Variants in DMD observed in about 807,000 individuals in gnomAD.
DMD encodes mutant dystrophin.
In DMD, 63 loss-of-function variants were observed where a neutral mutation model predicts 330.1. The observed-to-expected ratio is 0.19, with a 90% CI of 0.16 to 0.24. The LOEUF (loss-of-function observed/expected upper bound fraction) is 0.24. Among genes scored for constraint, DMD ranks in the 10% least tolerant of loss-of-function variants. The pLI is 1.00. For synonymous variants in DMD, 1,223 were observed against 959.8 expected, an observed-to-expected ratio of 1.27 and a Z score of -5.07; for missense variants, 3,344 against 2,684.1, an observed-to-expected ratio of 1.25 and a Z score of -5.43.
chrX:31,872,188 G>A (rs760451249), intron 48 of DMD, among the ~76,000 whole-genome samples: 113 of 109,775 alleles, frequency 1.0e-3, no homozygotes, highest in Admixed American at 3.9e-4. Context: ...GTGCTCAGAG[G>A]ACTGAAGCCA....
intron 9 of DMD, among the ~76,000 whole-genome samples, chrX:32,661,641 T>C (rs2060954645): frequency 8.9e-6 from 1 of 111,746 alleles, no homozygotes; most frequent in Non-Finnish European, 1.9e-5. Flanking sequence ...AAGTCTCTCA[T>C]ACACTCACAG....
intron 55 of DMD, among the ~76,000 whole-genome samples, chrX:31,613,417 A>G (rs1266634592): frequency 9.0e-6 from 1 of 111,169 alleles, no homozygotes. Context: ...GTCAGCACCT[A>G]TTTTCCAGGC....
chrX:32,138,204 A>G (rs2096736344), intron 44 of DMD, among the ~76,000 whole-genome samples: 1 of 110,481 alleles, frequency 9.1e-6, no homozygotes, highest in Non-Finnish European at 1.9e-5. Flanking sequence ...TTCATTTATG[A>G]CACTGCTACA....
intron 57 of DMD, among the ~76,000 whole-genome samples, chrX:31,489,711 G>C (rs997496679): frequency 9.0e-6 from 1 of 111,667 alleles, no homozygotes; most frequent in African/African-American, 3.3e-5. Context: ...CTGAGTTATG[G>C]TATAATTTTT....
intron 52 of DMD, among the ~76,000 whole-genome samples, chrX:31,715,499 C>T (rs1603450729): frequency 2.0e-5 from 2 of 98,298 alleles, no homozygotes; most frequent in East Asian, 6.3e-4. Flanking sequence ...GCCGAGATCC[C>T]GCCACTGCAC....
chrX:32,421,341 C>A (rs748480021), intron 29 of DMD, among the ~76,000 whole-genome samples: 1 of 111,809 alleles, frequency 8.9e-6, no homozygotes, highest in East Asian at 2.8e-4. Flanking sequence ...GACAAGACTG[C>A]AGTTTTGTAG....
intron 1 of DMD, among the ~76,000 whole-genome samples, chrX:33,067,853 G>A (rs2094689603): frequency 9.0e-6 from 1 of 111,038 alleles, no homozygotes; most frequent in Non-Finnish European, 1.9e-5. Context: ...TCAAAAATAA[G>A]TAAGTAAATA....
intron 62 of DMD, among the ~76,000 whole-genome samples, chrX:31,278,028 A>AG (rs2052308735): frequency 1.5e-4 from 1 of 6,620 alleles, no homozygotes; most frequent in African/African-American, 3.3e-3. Context: ...AAAAAAAAAA[A>AG]AAATATGAAA....
chrX:32,350,265 AT>A (rs753185016), intron 37 of DMD, among the ~76,000 whole-genome samples: 1 of 111,014 alleles, frequency 9.0e-6, no homozygotes, highest in African/African-American at 3.3e-5. Context: ...GAATTTAACA[AT>A]TTTTTATGCC....
intron 7 of DMD, among the ~76,000 whole-genome samples, chrX:32,728,092 T>A: frequency 9.0e-6 from 1 of 111,585 alleles, no homozygotes; most frequent in East Asian, 2.8e-4. Flanking sequence ...AGCTGATAAA[T>A]GTTTACTCTT....
chrX:32,332,947 C>T (rs1014278506), intron 41 of DMD, among the ~76,000 whole-genome samples: 2 of 109,801 alleles, frequency 1.8e-5, no homozygotes, highest in Admixed American at 2.0e-4. Flanking sequence ...AACAGCAAGA[C>T]ATATATAGAA....
chrX:32,079,153 T>G (rs1444657412), intron 44 of DMD, among the ~76,000 whole-genome samples: 5 of 112,183 alleles, frequency 4.5e-5, no homozygotes, highest in Non-Finnish European at 7.5e-5. Flanking sequence ...CTTTTCCTCT[T>G]GTTAATCTGT....
At chrX:32,475,543 G>C (rs1440370973) in intron 21 of DMD, among the ~76,000 whole-genome samples, 1 of 111,365 alleles carries the variant, frequency 9.0e-6, no homozygotes, top group Admixed American at 9.6e-5. Flanking sequence ...GCAGTGTTTG[G>C]TAGTTTTCCT....
At chrX:32,272,823 C>G (rs73460093) in intron 43 of DMD, among the ~76,000 whole-genome samples, 9,164 of 111,661 alleles carry the variant, frequency 0.082, 899 homozygotes, top group African/African-American at 0.28. Context: ...AAAGTAATGT[C>G]TTGAAATTTC....
chrX:32,248,372 CAT>C (rs2097250472), intron 43 of DMD, among the ~76,000 whole-genome samples: 1 of 111,414 alleles, frequency 9.0e-6, no homozygotes, highest in African/African-American at 3.3e-5. Flanking sequence ...CTTCTGAAGT[CAT>C]ATAGTTATTT....
chrX:32,334,746 T>C (rs1424813859), intron 41 of DMD, among the ~76,000 whole-genome samples: 1 of 111,859 alleles, frequency 8.9e-6, no homozygotes, highest in African/African-American at 3.2e-5. Context: ...AAATTTCCCT[T>C]TTCTACTGCA....
intron 1 of DMD, among the ~76,000 whole-genome samples, chrX:33,022,215 C>T (rs1399446858): frequency 2.7e-5 from 3 of 111,363 alleles, no homozygotes; most frequent in Non-Finnish European, 5.7e-5. Flanking sequence ...CCAAAACCCT[C>T]TGCCAAAAGC....
At chrX:31,256,354 T>C (rs1488490810) in intron 63 of DMD, among the ~76,000 whole-genome samples, 1 of 111,882 alleles carries the variant, frequency 8.9e-6, no homozygotes, top group East Asian at 2.8e-4. Context: ...TCAGTCATCA[T>C]AGTGAACCTT....
At chrX:33,163,570 A>ATATATATATATATATATATATG (rs1569557014) in intron 1 of DMD, among the ~76,000 whole-genome samples, 2 of 104,284 alleles carry the variant, frequency 1.9e-5, no homozygotes, top group African/African-American at 7.1e-5. Flanking sequence ...ATATATATAT[A>ATATATATATATATATATATATG]TATATGTATA....
Sources: gnomAD v4.1 joint callset for allele counts (sites outside exome capture counted in the v4.1 genomes callset) on GRCh38, gnomAD v4.1.1 for gene constraint, MANE v1.5 for transcripts, NCBI Gene and HGNC (gene_info 2026-07-23, HGNC 2026-07-21) for gene names.